The following ERBIN variants were observed in gnomAD, a reference collection of about 807,000 sequenced individuals.
The protein encoded by ERBIN is densin-180-like protein.
In ERBIN, 60 loss-of-function variants were observed where a neutral mutation model predicts 158.4. That is an observed-to-expected ratio of 0.38 (90% CI 0.31 to 0.47). The LOEUF (loss-of-function observed/expected upper bound fraction) is 0.47, where lower values mean the gene tolerates loss of function less well. ERBIN is among the 20% of genes least tolerant of loss of function. ERBIN has a pLI of 0.99. For synonymous variants in ERBIN, 594 were observed against 557.2 expected, an observed-to-expected ratio of 1.07 and a Z score of -0.93; for missense variants, 1,610 against 1,648.0, an observed-to-expected ratio of 0.98 and a Z score of 0.40.
rs1447995371 is a variant in ERBIN, at chr5:66,070,074, T to G, written c.3634-2095T>G. Among the ~76,000 whole-genome samples, 3 of 152,182 alleles carry G rather than the reference T, an allele frequency of 2.0e-5. No homozygotes were observed. In the East Asian group the frequency reaches 5.8e-4, roughly 29 times the overall value. ...ATTTATTTATTTTGAGGCGGGGTTTTGTTCTTGTTGCCCAGGCTGGAGTGC... is the reference window on the plus strand; with the variant it reads ...ATTTATTTATTTTGAGGCGGGGTTTGGTTCTTGTTGCCCAGGCTGGAGTGC... On this transcript the variant is annotated intron_variant, in intron 21 of 25. Coordinates refer to ENST00000284037, the MANE Select transcript of ERBIN (RefSeq NM_001253697.2).
intron 1 of ERBIN, among the ~76,000 whole-genome samples, chr5:65,975,319 T>A (rs1373803431): frequency 6.6e-6 from 1 of 152,102 alleles, no homozygotes; most frequent in Non-Finnish European, 1.5e-5. Flanking sequence ...TATTTTTTAA[T>A]TTTTGCAATG....
chr5:65,931,689 C>T (rs1245543466), intron 1 of ERBIN, among the ~76,000 whole-genome samples: 1 of 152,086 alleles, frequency 6.6e-6, no homozygotes, highest in African/African-American at 2.4e-5. Context: ...TAGAAAACAG[C>T]TCGATTCTCA....
At position 65,954,577 on chromosome 5, in the gene ERBIN, A is replaced by G. The variant is rs887823642; in HGVS notation, c.-58+27771A>G. Among the ~76,000 whole-genome samples, 5 of 152,290 alleles carry G rather than the reference A, an allele frequency of 3.3e-5. No individual in the cohort carries two copies. The East Asian group carries it at 7.7e-4, about 23-fold the overall frequency. On this transcript the variant is annotated intron_variant, in intron 1 of 25. Transcript: ENST00000284037. ...TTTGATTTGTTTCATAGTGCTGTAA[A>G]TACTACTTCATGCTGTTTCTTTTTT...
At chr5:66,077,114 G>C (rs1247630346) in intron 25 of ERBIN, among the ~76,000 whole-genome samples, 165 bp downstream of exon 25, 2 of 143,872 alleles carry the variant, frequency 1.4e-5, no homozygotes, top group African/African-American at 2.6e-5. Flanking sequence ...TCGCGCCACT[G>C]TACTCCAGCC....
chr5:66,017,981 A>G (rs148012472), intron 7 of ERBIN, among the ~76,000 whole-genome samples: 2 of 152,150 alleles, frequency 1.3e-5, no homozygotes, highest in Non-Finnish European at 2.9e-5. Context: ...TTTTTCTAGG[A>G]TGACTTGGCT....
intron 21 of ERBIN, among the ~76,000 whole-genome samples, chr5:66,056,443 A>C (rs377519453): frequency 2.4e-4 from 36 of 152,194 alleles, no homozygotes; most frequent in African/African-American, 7.9e-4. Flanking sequence ...TTTTCATCTT[A>C]TATGGCTGTT....
At chr5:66,065,929 C>T (rs1051704489) in intron 21 of ERBIN, among the ~76,000 whole-genome samples, 4 of 152,154 alleles carry the variant, frequency 2.6e-5, no homozygotes, top group Admixed American at 2.0e-4. Flanking sequence ...TAATGTGATT[C>T]TACCACCAGC....
chr5:66,072,896 A>C (rs1378397884), intron 22 of ERBIN, among the ~76,000 whole-genome samples: 8 of 152,162 alleles, frequency 5.3e-5, no homozygotes, highest in Non-Finnish European at 1.2e-4. Context: ...ATAGTTATTT[A>C]TTACATAAAA....
At chr5:65,933,474 C>G (rs2150844589) in intron 1 of ERBIN, among the ~76,000 whole-genome samples, 1 of 152,208 alleles carries the variant, frequency 6.6e-6, no homozygotes, top group Admixed American at 6.5e-5. Context: ...CTCCTTTTTT[C>G]ATAATCACAC....
intron 1 of ERBIN, among the ~76,000 whole-genome samples, chr5:65,943,857 A>C (rs559884223): frequency 1.8e-4 from 28 of 152,248 alleles, no homozygotes; most frequent in African/African-American, 6.5e-4. Context: ...ATAACTCCCA[A>C]AGCCTCCTAG....
intron 20 of ERBIN, among the ~76,000 whole-genome samples, chr5:66,052,237 A>G (rs927469109): frequency 1.1e-4 from 16 of 152,186 alleles, no homozygotes; most frequent in African/African-American, 2.6e-4. Flanking sequence ...TACTAAACCA[A>G]AAGTTTAATG....
chr5:65,993,386 T>G (rs1752087398), intron 3 of ERBIN, among the ~76,000 whole-genome samples: 1 of 152,210 alleles, frequency 6.6e-6, no homozygotes, highest in Admixed American at 6.5e-5. Flanking sequence ...TTTGGAAAGG[T>G]TTTGGAGGAC....
intron 14 of ERBIN, among the ~76,000 whole-genome samples, chr5:66,031,566 T>A (rs777259200): frequency 9.2e-5 from 14 of 152,210 alleles, no homozygotes; most frequent in Non-Finnish European, 1.9e-4. Flanking sequence ...GTATGGTGGT[T>A]CACACCTCTG....
intron 21 of ERBIN, among the ~76,000 whole-genome samples, chr5:66,064,707 A>G (rs532211480): frequency 1.3e-5 from 2 of 152,288 alleles, no homozygotes; most frequent in East Asian, 3.9e-4. Flanking sequence ...AAAACAGCCA[A>G]ATGAGAGATA....
At chr5:65,932,093 C>T (rs1396212042) in intron 1 of ERBIN, among the ~76,000 whole-genome samples, 1 of 151,944 alleles carries the variant, frequency 6.6e-6, no homozygotes, top group Non-Finnish European at 1.5e-5. Context: ...GCTGGGATTA[C>T]AGGCGTGAGC....
intron 1 of ERBIN, among the ~76,000 whole-genome samples, chr5:65,971,060 G>C (rs921871552): frequency 6.6e-6 from 1 of 152,150 alleles, no homozygotes; most frequent in African/African-American, 2.4e-5. Flanking sequence ...ACGTTAATTT[G>C]ACTGATTCCT....
intron 1 of ERBIN, among the ~76,000 whole-genome samples, chr5:65,979,153 G>T (rs932737298): frequency 6.6e-6 from 1 of 152,172 alleles, no homozygotes; most frequent in Non-Finnish European, 1.5e-5. Context: ...ATAGTGGGGC[G>T]TGGTGGCTTA....
rs528303560 is a variant in ERBIN at position 66,054,721 on chromosome 5, G to A, written c.3403G>A (p.Asp1135Asn). Reference protein sequence around the residue: ...RPLSARTYSIDGPNASRPQSA... With the variant: ...RPLSARTYSINGPNASRPQSA... ...CCTTTCTGCACGAACATACAGCATA[G>A]ATGGTCCAAATGCATCAAGACCTCA... The change falls in exon 21 of 26, where the codon GAT (aspartate) becomes AAT (asparagine). Residue 1135 changes from aspartate to asparagine, a missense_variant. This residue lies in a region of ERBIN where 1,014 missense variants were observed against 936.1 expected (regional missense o/e 1.08). Transcript: ENST00000284037. 1.5e-5 allele frequency: 25 copies of A among 1,613,958 alleles called. No individual in the cohort carries two copies. In the South Asian group the frequency reaches 2.0e-4, roughly 13 times the overall value.
intron 4 of ERBIN, among the ~76,000 whole-genome samples, chr5:66,002,064 G>A (rs765480922): frequency 1.3e-5 from 2 of 152,012 alleles, no homozygotes; most frequent in Admixed American, 6.6e-5. Context: ...AACATGCGGC[G>A]TTTGATTTTC....
Sources: allele counts gnomAD v4.1 joint callset (sites outside exome capture counted in the v4.1 genomes callset), GRCh38; gene constraint gnomAD v4.1.1; regional missense constraint gnomAD v4.1.1; transcripts MANE v1.5; gene names NCBI Gene and HGNC (gene_info 2026-07-23, HGNC 2026-07-21).